The following PTPN14 variants were observed in gnomAD, a reference collection of about 807,000 sequenced individuals.
PTPN14 encodes tyrosine-protein phosphatase non-receptor type 14.
A neutral mutation model predicts 126.8 loss-of-function variants in PTPN14; 53 were observed. The observed-to-expected ratio is 0.42, with a 90% CI of 0.34 to 0.53. The LOEUF (loss-of-function observed/expected upper bound fraction) is 0.53. Among genes scored for constraint, PTPN14 ranks in the 20% least tolerant of loss-of-function variants. The pLI is 0.08. For missense variants in PTPN14, 1,257 were observed against 1,552.9 expected, an observed-to-expected ratio of 0.81 and a Z score of 3.20; for synonymous variants, 630 against 599.3, an observed-to-expected ratio of 1.05 and a Z score of -0.75.
At chr1:214,455,032 C>G (rs747472356) in intron 2 of PTPN14, among the ~76,000 whole-genome samples, 4 of 152,178 alleles carry the variant, frequency 2.6e-5, no homozygotes, top group Non-Finnish European at 5.9e-5. Flanking sequence ...CGTTCTTCCT[C>G]TAGCTATTTT....
Position 214,517,264 on chromosome 1 carries a change from TTATG to T in PTPN14, c.-155+33915_-155+33918del, listed in dbSNP as rs544150267. ...TATAAAATTTCCACATAAACAAACTTTATGTATGTATGACAAAATGCATGATATG... is the reference window on the plus strand; with the variant it reads ...TATAAAATTTCCACATAAACAAACTTTATGTATGACAAAATGCATGATATG... On this transcript the variant is annotated intron_variant, in intron 1 of 18. Transcript: ENST00000366956. 3.5e-3 allele frequency among the ~76,000 whole-genome samples: 537 copies of T among 152,198 alleles called. 2 individuals carry two copies. Among genetic ancestry groups the T allele is most frequent in the African/African-American group, 0.012 (505 of 41,506 alleles).
intron 3 of PTPN14, among the ~76,000 whole-genome samples, chr1:214,447,243 G>C (rs544522392): frequency 3.3e-5 from 5 of 152,162 alleles, no homozygotes; most frequent in African/African-American, 1.2e-4. Context: ...GAGCTGCCTG[G>C]AAGGCAGTTT....
intron 1 of PTPN14, among the ~76,000 whole-genome samples, chr1:214,468,106 G>T (rs941592607): frequency 6.6e-6 from 1 of 152,142 alleles, no homozygotes; most frequent in Non-Finnish European, 1.5e-5. Context: ...GAAATTAGAT[G>T]ATATTAATGT....
intron 10 of PTPN14, among the ~76,000 whole-genome samples, chr1:214,391,647 C>G (rs1043132751): frequency 2.7e-5 from 4 of 150,730 alleles, no homozygotes; most frequent in Non-Finnish European, 4.4e-5. Context: ...ATCAAAGACG[C>G]CTTCAAGCAA....
At chr1:214,407,118 GCT>G (rs1254630288) in intron 5 of PTPN14, among the ~76,000 whole-genome samples, 2 of 152,174 alleles carry the variant, frequency 1.3e-5, no homozygotes, top group Non-Finnish European at 2.9e-5. Context: ...AAGAAGAACT[GCT>G]CTGTTAAGTA....
intron 1 of PTPN14, 139 bp downstream of exon 1, chr1:214,551,044 C>G (rs1439391827): frequency 1.3e-5 from 2 of 152,284 alleles, no homozygotes; most frequent in African/African-American, 4.8e-5. Flanking sequence ...CCCCGCGCCC[C>G]AGGCTGCCCT....
At chr1:214,358,889 C>T (rs1261671267) in intron 18 of PTPN14, among the ~76,000 whole-genome samples, 1 of 151,406 alleles carries the variant, frequency 6.6e-6, no homozygotes, top group Non-Finnish European at 1.5e-5. Flanking sequence ...ATTACAGGTG[C>T]GCACCACCAC....
chr1:214,465,406 C>A (rs1459862973), intron 1 of PTPN14, among the ~76,000 whole-genome samples: 1 of 151,970 alleles, frequency 6.6e-6, no homozygotes, highest in Non-Finnish European at 1.5e-5. Context: ...GCCCAGGAGT[C>A]CAAAACCAGC....
At chr1:214,366,463 A>G (rs1658083463) in intron 17 of PTPN14, among the ~76,000 whole-genome samples, 1 of 152,222 alleles carries the variant, frequency 6.6e-6, no homozygotes, top group East Asian at 1.9e-4. Context: ...AATGGAGAGA[A>G]GGTGGATTCA....
intron 1 of PTPN14, chr1:214,482,771 C>A (rs1372666106): frequency 5.7e-6 from 9 of 1,591,858 alleles, no homozygotes; most frequent in African/African-American, 1.4e-5. Flanking sequence ...TGACTCTTCC[C>A]CCTGGATTTT....
At chr1:214,541,657 T>C (rs759869445) in intron 1 of PTPN14, among the ~76,000 whole-genome samples, 4 of 152,214 alleles carry the variant, frequency 2.6e-5, no homozygotes, top group Non-Finnish European at 5.9e-5. Flanking sequence ...GTGATTTACC[T>C]GTCCATTTCC....
chr1:214,448,390 C>A (rs947072818), intron 3 of PTPN14, among the ~76,000 whole-genome samples: 2 of 137,710 alleles, frequency 1.5e-5, no homozygotes, highest in African/African-American at 5.4e-5. Context: ...CCAACCAAGC[C>A]GGGCTAATTT....
At chr1:214,404,816 C>T (rs1437242020) in intron 5 of PTPN14, among the ~76,000 whole-genome samples, 2 of 152,208 alleles carry the variant, frequency 1.3e-5, no homozygotes, top group Non-Finnish European at 2.9e-5. Context: ...TTAACAAATT[C>T]AATTACTTCA....
chr1:214,466,396 C>T (rs2102655080), intron 1 of PTPN14, among the ~76,000 whole-genome samples: 1 of 152,088 alleles, frequency 6.6e-6, no homozygotes, highest in South Asian at 2.1e-4. Context: ...CATCTTGTTC[C>T]TTTACAAAAT....
intron 1 of PTPN14, chr1:214,532,390 G>T: frequency 1.5e-6 from 1 of 651,458 alleles, no homozygotes. Flanking sequence ...ATGGCTGGGG[G>T]CCTGGCAGGA....
At chr1:214,363,558 C>T (rs1318885441) in intron 18 of PTPN14, among the ~76,000 whole-genome samples, 6 of 152,116 alleles carry the variant, frequency 3.9e-5, no homozygotes, top group Admixed American at 3.9e-4. Flanking sequence ...TCTTACTCAG[C>T]GTTTGGAGGC....
intron 1 of PTPN14, among the ~76,000 whole-genome samples, chr1:214,474,738 G>C (rs1200217236): frequency 2.0e-5 from 3 of 152,108 alleles, no homozygotes; most frequent in Admixed American, 6.5e-5. Context: ...TTGGAATAAG[G>C]GGGTGGCTTC....
intron 1 of PTPN14, among the ~76,000 whole-genome samples, chr1:214,473,255 G>C (rs17023036): frequency 0.067 from 10,154 of 152,272 alleles, 1,133 homozygotes; most frequent in African/African-American, 0.23. Context: ...TGGATAAGCA[G>C]AGGAGAGATC....
chr1:214,387,780 A>G (rs554230893), intron 11 of PTPN14, among the ~76,000 whole-genome samples: 1 of 152,316 alleles, frequency 6.6e-6, no homozygotes, highest in East Asian at 1.9e-4. Flanking sequence ...TCAAAATTCC[A>G]TTCACAAGCT....
Sources: allele counts gnomAD v4.1 joint callset (sites outside exome capture counted in the v4.1 genomes callset), GRCh38; gene constraint gnomAD v4.1.1; transcripts MANE v1.5; gene names NCBI Gene and HGNC (gene_info 2026-07-23, HGNC 2026-07-21).